Variants in RIMS2 observed in about 807,000 individuals in gnomAD.
RIMS2 encodes regulating synaptic membrane exocytosis protein 2.
In RIMS2, 59 loss-of-function variants were observed where a neutral mutation model predicts 174.4. The ratio of observed to expected loss-of-function variants is 0.34; its 90% CI spans 0.27 to 0.42. RIMS2 has a LOEUF of 0.42. Ranked by LOEUF, RIMS2 falls within the 10% of genes least tolerant of loss-of-function variation. The pLI, the probability that RIMS2 is intolerant of heterozygous loss-of-function variation, is 1.00. For synonymous variants in RIMS2, 606 were observed against 572.5 expected, an observed-to-expected ratio of 1.06 and a Z score of -0.84; for missense variants, 1,620 against 1,666.3, an observed-to-expected ratio of 0.97 and a Z score of 0.48.
chr8:103,902,301 G>A (rs369599463), intron 4 of RIMS2, among the ~76,000 whole-genome samples: 1 of 152,230 alleles, frequency 6.6e-6, no homozygotes. Flanking sequence ...TCTAAAACAA[G>A]CTGACTAGCA....
At chr8:104,040,975 A>G (rs967536240) in intron 19 of RIMS2, among the ~76,000 whole-genome samples, 1 of 151,688 alleles carries the variant, frequency 6.6e-6, no homozygotes, top group African/African-American at 2.4e-5. Context: ...AATGTCTTGA[A>G]CAATGTGGTC....
intron 3 of RIMS2, among the ~76,000 whole-genome samples, chr8:103,854,174 C>G (rs543282216): frequency 2.0e-5 from 3 of 152,012 alleles, no homozygotes; most frequent in Non-Finnish European, 4.4e-5. Flanking sequence ...TGATTTGGCA[C>G]TCAGCCTGGA....
intron 3 of RIMS2, among the ~76,000 whole-genome samples, chr8:103,797,504 A>G (rs1202683987): frequency 1.3e-5 from 2 of 152,168 alleles, no homozygotes; most frequent in African/African-American, 2.4e-5. Context: ...TACTTGTTAC[A>G]ATTATCCTGT....
chr8:103,656,249 A>G (rs1315194890), intron 1 of RIMS2, among the ~76,000 whole-genome samples: 1 of 152,160 alleles, frequency 6.6e-6, no homozygotes, highest in Non-Finnish European at 1.5e-5. Context: ...GAGAAGATTA[A>G]CAGGTTGGAG....
At chr8:103,625,033 T>A (rs1228012946) in intron 1 of RIMS2, among the ~76,000 whole-genome samples, 1 of 152,186 alleles carries the variant, frequency 6.6e-6, no homozygotes, top group African/African-American at 2.4e-5. Flanking sequence ...TCAGATTCTT[T>A]AATCTAATTA....
chr8:104,150,857 C>T (rs2098683650), intron 19 of RIMS2, among the ~76,000 whole-genome samples: 1 of 152,148 alleles, frequency 6.6e-6, no homozygotes, highest in Non-Finnish European at 1.5e-5. Flanking sequence ...TTAGGCCATT[C>T]AGGCTGCCAT....
chr8:104,039,973 T>C (rs2096581696), intron 19 of RIMS2, among the ~76,000 whole-genome samples: 1 of 151,610 alleles, frequency 6.6e-6, no homozygotes, highest in Non-Finnish European at 1.5e-5. Flanking sequence ...AAAAATGATA[T>C]TAAATTTCCA....
At chr8:103,622,008 A>G (rs184551113) in intron 1 of RIMS2, among the ~76,000 whole-genome samples, 3 of 152,300 alleles carry the variant, frequency 2.0e-5, no homozygotes, top group African/African-American at 7.2e-5. Context: ...TAATCCAAAA[A>G]TATTGTGATT....
intron 1 of RIMS2, among the ~76,000 whole-genome samples, chr8:103,636,803 C>CTG (rs1322508776): frequency 2.7e-5 from 2 of 74,200 alleles, no homozygotes; most frequent in East Asian, 3.4e-4. Context: ...CCCCCCCCCA[C>CTG]ACACACACAC....
intron 1 of RIMS2, among the ~76,000 whole-genome samples, chr8:103,528,470 C>T (rs1413789566): frequency 6.6e-6 from 1 of 152,124 alleles, no homozygotes; most frequent in African/African-American, 2.4e-5. Flanking sequence ...CTTGCCCATG[C>T]CTATGTCCTG....
rs558188420 is a variant in RIMS2, at chr8:103,677,192, T to C, written c.177-19894T>C. On this transcript the variant is annotated intron_variant, in intron 1 of 23. Transcript: ENST00000504942. ...AGGATTCCATTTTCACATGGAATCTTGGCTTTGCCTCTCAGATCCGCTTGA... is the reference window on the plus strand; with the variant it reads ...AGGATTCCATTTTCACATGGAATCTCGGCTTTGCCTCTCAGATCCGCTTGA... 7.2e-4 allele frequency among the ~76,000 whole-genome samples: 109 copies of C among 152,264 alleles called. 1 individual carries two copies. Among genetic ancestry groups the C allele is most frequent in the Admixed American group, 4.1e-3 (63 of 15,286 alleles).
intron 3 of RIMS2, among the ~76,000 whole-genome samples, chr8:103,851,298 A>T (rs1168365154): frequency 6.6e-6 from 1 of 151,886 alleles, no homozygotes; most frequent in African/African-American, 2.4e-5. Context: ...CTATATTTCT[A>T]TTAAGAATTG....
intron 14 of RIMS2, among the ~76,000 whole-genome samples, chr8:103,959,931 A>G (rs931097978): frequency 2.6e-5 from 4 of 152,162 alleles, no homozygotes; most frequent in African/African-American, 9.7e-5. Flanking sequence ...CCCTAACATC[A>G]CAATTAAAAG....
At chr8:104,033,020 T>C (rs2096434147) in intron 19 of RIMS2, among the ~76,000 whole-genome samples, 1 of 151,918 alleles carries the variant, frequency 6.6e-6, no homozygotes. Context: ...ATAGGATGCT[T>C]TGAGAAAATG....
intron 3 of RIMS2, among the ~76,000 whole-genome samples, chr8:103,775,428 A>G (rs1010804866): frequency 2.6e-5 from 4 of 152,120 alleles, no homozygotes; most frequent in African/African-American, 9.7e-5. Flanking sequence ...CTGGAAGCAA[A>G]TGATCTCATA....
chr8:103,776,866 T>C (rs572576120), intron 3 of RIMS2, among the ~76,000 whole-genome samples: 1 of 152,270 alleles, frequency 6.6e-6, no homozygotes, highest in Non-Finnish European at 1.5e-5. Flanking sequence ...TAAACAGCTG[T>C]TCTTTTTAAT....
intron 1 of RIMS2, among the ~76,000 whole-genome samples, chr8:103,694,878 A>C (rs960308948): frequency 6.6e-6 from 1 of 152,106 alleles, no homozygotes; most frequent in Non-Finnish European, 1.5e-5. Flanking sequence ...AGGCCCAAAG[A>C]CCAAGTCTGA....
intron 3 of RIMS2, among the ~76,000 whole-genome samples, chr8:103,775,890 T>C (rs1421855252): frequency 6.6e-6 from 1 of 152,180 alleles, no homozygotes. Flanking sequence ...AAGAATCTAT[T>C]TCTATTTTCA....
chr8:104,234,893 G>A (rs927858996), intron 19 of RIMS2, among the ~76,000 whole-genome samples: 3 of 152,044 alleles, frequency 2.0e-5, no homozygotes, highest in Admixed American at 6.6e-5. Context: ...AATTTTTCAC[G>A]GTGTATTCAG....
Sources: allele counts gnomAD v4.1 joint callset (sites outside exome capture counted in the v4.1 genomes callset), GRCh38; gene constraint gnomAD v4.1.1; transcripts MANE v1.5; gene names NCBI Gene and HGNC (gene_info 2026-07-23, HGNC 2026-07-21).